SMG6: variants seen among roughly 807,000 people sequenced by gnomAD.
SMG6 encodes the protein telomerase-binding protein EST1A.
SMG6 carries 66 observed loss-of-function variants against 142.2 expected under a neutral mutation model. The observed-to-expected ratio is 0.46, with a 90% CI of 0.38 to 0.57. The LOEUF (loss-of-function observed/expected upper bound fraction) is 0.57, where lower values mean the gene tolerates loss of function less well. SMG6 is among the 20% of genes least tolerant of loss of function. The pLI is 0.00. For synonymous variants in SMG6, 779 were observed against 702.4 expected (o/e 1.11, Z -1.72); for missense variants, 1,793 against 1,832.0 (o/e 0.98, Z 0.39).
intron 8 of SMG6, among the ~76,000 whole-genome samples, chr17:2,275,325 G>A (rs901068493): frequency 5.3e-5 from 8 of 152,220 alleles, no homozygotes; most frequent in Admixed American, 1.3e-4. Context: ...AGGAGGCTGA[G>A]GCTGGAAGAT....
At chr17:2,289,455 G>T (rs4372727) in intron 6 of SMG6, among the ~76,000 whole-genome samples, 39,169 of 151,762 alleles carry the variant, frequency 0.26, 6,516 homozygotes, top group Admixed American at 0.35. Flanking sequence ...TAATCAGGAG[G>T]CTAAGGCAGG....
intron 13 of SMG6, among the ~76,000 whole-genome samples, chr17:2,164,254 C>G (rs2071265500): frequency 6.6e-6 from 1 of 151,070 alleles, no homozygotes; most frequent in East Asian, 2.0e-4. Flanking sequence ...GAAACCCCAT[C>G]TCTACTAAAA....
At chr17:2,267,326 C>T (rs192264544) in intron 8 of SMG6, among the ~76,000 whole-genome samples, 1 of 151,904 alleles carries the variant, frequency 6.6e-6, no homozygotes, top group African/African-American at 2.4e-5. Context: ...ACCTCAGGCT[C>T]CCGAGTAACT....
At chr17:2,128,476 G>T (rs986712608) in intron 13 of SMG6, among the ~76,000 whole-genome samples, 1 of 152,056 alleles carries the variant, frequency 6.6e-6, no homozygotes, top group Non-Finnish European at 1.5e-5. Context: ...AAAAACCACC[G>T]GATTCTGATG....
At chr17:2,153,468 A>G (rs550705227) in intron 13 of SMG6, among the ~76,000 whole-genome samples, 1 of 152,362 alleles carries the variant, frequency 6.6e-6, no homozygotes, top group African/African-American at 2.4e-5. Context: ...GTGTTTCTCA[A>G]AACTGTACAA....
At chr17:2,174,091 TAA>T (rs2071588038) in intron 12 of SMG6, among the ~76,000 whole-genome samples, 2 of 152,126 alleles carry the variant, frequency 1.3e-5, no homozygotes, top group South Asian at 4.1e-4. Flanking sequence ...AGGCAATATG[TAA>T]AGAGAGCTGT....
At position 2,266,965 on chromosome 17, in the gene SMG6, TCTCATGGC is replaced by T. The variant is rs1288113745; in HGVS notation, c.2661+15674_2661+15681del. Among the ~76,000 whole-genome samples the T allele has an allele frequency of 5.3e-5, 8 of 152,076 alleles. 1 individual carries two copies. The East Asian group carries it at 1.5e-3, about 29-fold the overall frequency. On this transcript the variant is annotated intron_variant, in intron 8 of 18. Transcript: ENST00000263073. ...TCTTTGAGGATCCCACTAAGCTGTT[TCTCATGGC>T]CTAAGAAAAAGAAAACCAATCTGCT...
intron 8 of SMG6, among the ~76,000 whole-genome samples, chr17:2,257,343 G>A (rs1381046050): frequency 6.6e-6 from 1 of 152,112 alleles, no homozygotes; most frequent in Non-Finnish European, 1.5e-5. Context: ...CTCCCAAAGT[G>A]TTGGGATTAC....
intron 9 of SMG6, among the ~76,000 whole-genome samples, chr17:2,239,461 A>AC (rs1386089736): frequency 6.6e-6 from 1 of 152,224 alleles, no homozygotes; most frequent in Non-Finnish European, 1.5e-5. Flanking sequence ...TTAAGATGGA[A>AC]CATGCACACA....
intron 8 of SMG6, among the ~76,000 whole-genome samples, chr17:2,258,027 A>AC (rs1488479616): frequency 1.0e-5 from 1 of 100,096 alleles, no homozygotes; most frequent in Non-Finnish European, 2.0e-5. Context: ...AAAAAAAAAA[A>AC]AAAAAAAATA....
At chr17:2,254,953 AG>A (rs1160628185) in intron 8 of SMG6, among the ~76,000 whole-genome samples, 1 of 152,152 alleles carries the variant, frequency 6.6e-6, no homozygotes, top group African/African-American at 2.4e-5. Flanking sequence ...GGTTTTGGAG[AG>A]GAGAGGGAGT....
intron 13 of SMG6, among the ~76,000 whole-genome samples, chr17:2,138,007 C>T (rs1014476295): frequency 2.0e-5 from 3 of 152,114 alleles, no homozygotes; most frequent in African/African-American, 7.2e-5. Flanking sequence ...ACGGAGCTCA[C>T]AATCGAATTG....
intron 8 of SMG6, among the ~76,000 whole-genome samples, chr17:2,267,102 A>C (rs2074437787): frequency 6.6e-6 from 1 of 152,218 alleles, no homozygotes; most frequent in Non-Finnish European, 1.5e-5. Flanking sequence ...GTACAGCCTG[A>C]GGTACATATT....
chr17:2,282,527 C>A (rs1422084779), intron 8 of SMG6, 120 bp downstream of exon 8: 2 of 910,116 alleles, frequency 2.2e-6, no homozygotes, highest in African/African-American at 3.3e-5. Flanking sequence ...ATCAGGGAGC[C>A]TCAAGTGGTT....
intron 10 of SMG6, among the ~76,000 whole-genome samples, chr17:2,227,776 T>C (rs534889562): frequency 2.0e-5 from 3 of 152,242 alleles, no homozygotes; most frequent in Non-Finnish European, 4.4e-5. Context: ...GGATGATGCA[T>C]ATAACTCTCA....
At chr17:2,140,515 CA>C (rs1280607165) in intron 13 of SMG6, among the ~76,000 whole-genome samples, 3 of 151,888 alleles carry the variant, frequency 2.0e-5, no homozygotes, top group South Asian at 2.1e-4. Flanking sequence ...ACTAAAAATG[CA>C]AAAAAATCAG....
intron 10 of SMG6, among the ~76,000 whole-genome samples, chr17:2,196,405 G>A (rs1490050428): frequency 1.3e-5 from 2 of 152,140 alleles, no homozygotes; most frequent in Non-Finnish European, 2.9e-5. Flanking sequence ...TTCAGCCTGG[G>A]TGACAAACTC....
intron 13 of SMG6, among the ~76,000 whole-genome samples, chr17:2,092,205 C>G (rs1358658212): frequency 6.6e-6 from 1 of 152,120 alleles, no homozygotes; most frequent in Non-Finnish European, 1.5e-5. Context: ...AGGCTGGTCT[C>G]GAACGCCTGA....
At chr17:2,250,575 C>CG (rs1254948625) in intron 8 of SMG6, among the ~76,000 whole-genome samples, 2 of 151,744 alleles carry the variant, frequency 1.3e-5, no homozygotes, top group Non-Finnish European at 2.9e-5. Context: ...TTTGTAGAGA[C>CG]GGGGTCTCAC....
Sources: allele counts gnomAD v4.1 joint callset (sites outside exome capture counted in the v4.1 genomes callset), GRCh38; gene constraint gnomAD v4.1.1; transcripts MANE v1.5; gene names NCBI Gene and HGNC (gene_info 2026-07-23, HGNC 2026-07-21).